Variants in FMNL3 observed in about 807,000 individuals in gnomAD.
FMNL3 encodes the protein formin-like protein 3.
FMNL3 carries 57 observed loss-of-function variants against 119.6 expected under a neutral mutation model. The observed-to-expected ratio is 0.48, with a 90% CI of 0.39 to 0.59. The LOEUF is 0.59. FMNL3 is among the 20% of genes least tolerant of loss of function. The probability of loss-of-function intolerance (pLI) is 0.00; values close to 1 mark genes in which losing one functional copy is unlikely to be tolerated. For missense variants in FMNL3, 1,053 were observed against 1,323.5 expected, an observed-to-expected ratio of 0.80 and a Z score of 3.17; for synonymous variants, 491 against 507.3, an observed-to-expected ratio of 0.97 and a Z score of 0.43.
intron 1 of FMNL3, among the ~76,000 whole-genome samples, chr12:49,704,903 T>C (rs546846696): frequency 3.9e-5 from 6 of 152,152 alleles, no homozygotes; most frequent in Non-Finnish European, 7.4e-5. Flanking sequence ...GCCAGAGTCC[T>C]TGATTTTTCT....
At position 49,645,952 on chromosome 12, in the gene FMNL3, G is replaced by C. The variant is rs1592633818; in HGVS notation, c.2996-49C>G. ...TGAACAGGATGGGAGGGTGAGCCAG[G>C]ACAGTGCCCTCAAGAGCAGCCCCAC... On this transcript the variant is annotated intron_variant, in intron 25 of 25. Coordinates refer to ENST00000335154, the MANE Select transcript of FMNL3 (RefSeq NM_175736.5). 2.6e-6 allele frequency: 4 copies of C among 1,549,578 alleles called. No individual in the cohort carries two copies. In the African/African-American group the frequency reaches 4.1e-5, roughly 16 times the overall value.
rs370918755 is a variant in FMNL3, at chr12:49,665,774, T to C, written c.368+58A>G. 51 of 1,548,066 alleles carry C rather than the reference T, an allele frequency of 3.3e-5. No individual in the cohort carries two copies. The East Asian group carries it at 1.1e-3, about 33-fold the overall frequency. ...CATCCTCAGAGGACACCAGACCCTG[T>C]GTGCCCAGCCAGCAGCCTGGGGCCA... On this transcript the variant is annotated intron_variant, in intron 4 of 25. Coordinates refer to ENST00000335154, the MANE Select transcript of FMNL3 (RefSeq NM_175736.5).
intron 16 of FMNL3, 34 bp downstream of exon 16, chr12:49,651,134 C>T: frequency 6.2e-7 from 1 of 1,602,778 alleles, no homozygotes; most frequent in Non-Finnish European, 8.5e-7. Context: ...CCCTAGCCCT[C>T]AACCTTAGCC....
chr12:49,642,256 C>CGGGAGA lies in FMNL3; in HGVS notation c.*3553_*3558dup, dbSNP rs1565850488. 6.2e-7 allele frequency: 1 copy of CGGGAGA among 1,614,108 alleles called. No individual in the cohort carries two copies. The highest frequency in any genetic ancestry group is 1.1e-5 in the South Asian group (1 of 91,086). ...TCAGCTGCTGGAGAAAGCAGAGGCA[C>CGGGAGA]GGGAGAGGGAGCGGGAGAAGGAGGA... On this transcript the variant is annotated 3_prime_UTR_variant, in exon 26 of 26. Transcript: ENST00000335154. The surrounding 1 kb of genome is among the most constrained non-coding windows in gnomAD (Gnocchi z 5.8).
At position 49,652,047 on chromosome 12, in the gene FMNL3, C is replaced by T; in HGVS notation, c.1489G>A (p.Gly497Ser). ...ARVGPAELSE[G>S]MPPSDLDLLA... is the part of the protein sequence containing the mutation. ...AGGTCCAGGTCGGAGGGTGGCATGC[C>T]CTCACTCAGCTCTGCAGGGCCTACT... Residue 497 changes from glycine (G) to serine (S), a missense_variant, in exon 14 of 26, where the codon GGC becomes AGC. Physicochemically the swap from Gly to Ser is moderately conservative, Grantham distance 56 (BLOSUM62 0). This residue lies in a region of FMNL3 where 445 missense variants were observed against 628.4 expected (regional missense o/e 0.71). Transcript: ENST00000335154. 6.2e-7 allele frequency: 1 copy of T among 1,610,770 alleles called. No individual in the cohort carries two copies. The highest frequency in any genetic ancestry group is 1.1e-5 in the South Asian group (1 of 90,232).
At chr12:49,683,531 A>G (rs540383034) in intron 1 of FMNL3, among the ~76,000 whole-genome samples, 1 of 152,284 alleles carries the variant, frequency 6.6e-6, no homozygotes, top group South Asian at 2.1e-4. Flanking sequence ...ATCAGTCATG[A>G]AAATTTAACT....
At chr12:49,706,854 G>A (rs1262411005) in intron 1 of FMNL3, among the ~76,000 whole-genome samples, 1 of 152,148 alleles carries the variant, frequency 6.6e-6, no homozygotes, top group Non-Finnish European at 1.5e-5. Context: ...CGGTGGAGGC[G>A]TCGGTCCCGA....
At chr12:49,656,946 G>A (rs1943589326) in intron 7 of FMNL3, 47 bp from the exon 8 acceptor site, 1 of 1,566,630 alleles carries the variant, frequency 6.4e-7, no homozygotes, top group Non-Finnish European at 8.8e-7. Flanking sequence ...GTGGGGAAGG[G>A]GGAGCCCAGC....
In FMNL3 at chr12:49,643,761, A is replaced by C; in HGVS notation, c.*2054T>G. 6.2e-7 allele frequency: 1 copy of C among 1,613,968 alleles called. No homozygotes were observed. Among genetic ancestry groups the C allele is most frequent in the African/African-American group, 1.3e-5 (1 of 74,994 alleles). ...AGAGAAGACACAAGTCGGTGAGTGA[A>C]GGAACTTCTACCTAAGCCCCTGCTA... On this transcript the variant is annotated 3_prime_UTR_variant, in exon 26 of 26. Coordinates refer to ENST00000335154, the MANE Select transcript of FMNL3 (RefSeq NM_175736.5).
rs115401863 is a variant in FMNL3, at chr12:49,673,292, C to A, written c.127-4738G>T. On this transcript the variant is annotated intron_variant, in intron 1 of 25. Transcript: ENST00000335154. ...CCTCCGTGGCATCCACAGATCAGCTCATTGAGCAGATGAGCAAAGATGGAA... is the reference window on the plus strand; with the variant it reads ...CCTCCGTGGCATCCACAGATCAGCTAATTGAGCAGATGAGCAAAGATGGAA... Among the ~76,000 whole-genome samples, 502 of 152,352 alleles carry A rather than the reference C, an allele frequency of 3.3e-3. 1 individual carries two copies. Among genetic ancestry groups the A allele is most frequent in the African/African-American group, 0.011 (463 of 41,582 alleles).
At position 49,653,304 on chromosome 12, in the gene FMNL3, T is replaced by A; in HGVS notation, c.1245A>T (p.Leu415=). ...VSHLTEKLLD[L]ENENMMRVAE... ...CCACCCGCATCATGTTTTCATTCTC[T>A]AGGTCCAGAAGCTTCTCTGTGAGCT... Residue 415 remains leucine, a synonymous_variant, in exon 13 of 26, where the codon CTA becomes CTT. Transcript: ENST00000335154. The A allele has an allele frequency of 6.2e-7, 1 of 1,614,124 alleles. No homozygotes were observed. Among genetic ancestry groups the A allele is most frequent in the African/African-American group, 1.3e-5 (1 of 75,042 alleles).
chr12:49,647,478 G>T lies in FMNL3; in HGVS notation c.2779-110C>A. On this transcript the variant is annotated intron_variant, in intron 23 of 25. Coordinates refer to ENST00000335154, the MANE Select transcript of FMNL3 (RefSeq NM_175736.5). This position sits in a 1 kb window ranked among gnomAD's most constrained non-coding sequence, Gnocchi z 4.9. Reference sequence around the variant, plus strand: ...GCAGTGGGACCCGCTAACTCCAGGTGGCCACCCTCTGGAGGGGCACTTCCT... The same window carrying T: ...GCAGTGGGACCCGCTAACTCCAGGTTGCCACCCTCTGGAGGGGCACTTCCT... The T allele has an allele frequency of 7.9e-7, 1 of 1,257,970 alleles. No individual in the cohort carries two copies. Among genetic ancestry groups the T allele is most frequent in the East Asian group, 2.3e-5 (1 of 43,078 alleles). 77.9% of individuals were successfully genotyped at this position (1,257,970 alleles called of 1,614,324 possible).
chr12:49,658,704 A>C, intron 5 of FMNL3, 110 bp from the exon 6 acceptor site: 1 of 1,283,100 alleles, frequency 7.8e-7, no homozygotes. Flanking sequence ...CTAGGGCAAC[A>C]AGCAGCAGGG....
chr12:49,698,219 T>C (rs1473131862), intron 1 of FMNL3, among the ~76,000 whole-genome samples: 1 of 152,008 alleles, frequency 6.6e-6, no homozygotes, highest in Non-Finnish European at 1.5e-5. Context: ...TTGGTGTGTA[T>C]AAGGGACCCA....
intron 1 of FMNL3, among the ~76,000 whole-genome samples, chr12:49,675,608 A>G (rs549032455): frequency 8.5e-5 from 13 of 152,132 alleles, no homozygotes; most frequent in Non-Finnish European, 1.8e-4. Context: ...TTGCCCTTCC[A>G]TTCCCACTGT....
chr12:49,701,091 A>G (rs1368105778), intron 1 of FMNL3, among the ~76,000 whole-genome samples: 1 of 151,846 alleles, frequency 6.6e-6, no homozygotes, highest in East Asian at 1.9e-4. Flanking sequence ...AAAAAAAAAA[A>G]AAAAGAAATA....
In FMNL3 at chr12:49,649,455, A is replaced by ACAACCTCTTCC; in HGVS notation, c.2304+4_2304+14dup. ...CTGAAAACCCCCAGCACCCCTGTTCACAACCTCTTCCCACCTCCAACATCT... is the reference window on the plus strand; with the variant it reads ...CTGAAAACCCCCAGCACCCCTGTTCACAACCTCTTCCCAACCTCTTCCCACCTCCAACATCT... On this transcript the variant is annotated intron_variant, in intron 19 of 25. Transcript: ENST00000335154. The surrounding 1 kb of genome is among the most constrained non-coding windows in gnomAD (Gnocchi z 5.6). 1 of 1,614,052 alleles carries ACAACCTCTTCC rather than the reference A, an allele frequency of 6.2e-7. No homozygotes were observed. The highest frequency in any genetic ancestry group is 8.5e-7 in the Non-Finnish European group (1 of 1,180,030).
In FMNL3 at chr12:49,643,143, C is replaced by T; in HGVS notation, c.*2672G>A. On this transcript the variant is annotated 3_prime_UTR_variant, in exon 26 of 26. Transcript: ENST00000335154. ...AGGATTCCTTTGGCCCTGGGTCCTC[C>T]TCCTCTCTCGAATTCCCAGACGAGG... 1.3e-6 allele frequency: 2 copies of T among 1,592,004 alleles called. No individual in the cohort carries two copies. Among genetic ancestry groups the T allele is most frequent in the African/African-American group, 1.3e-5 (1 of 74,454 alleles).
chr12:49,637,027 G>C lies in FMNL3; in HGVS notation c.*8788C>G, dbSNP rs899343571. On this transcript the variant is annotated 3_prime_UTR_variant, in exon 26 of 26. Transcript: ENST00000335154. ...TTTCTGCTGTACCTCCTCAATTCTG[G>C]ACTGTGCTCTTCTAGGGAGACTAGA... is the stretch of plus-strand genomic sequence containing the variant. 46 of 944,194 alleles carry C rather than the reference G, an allele frequency of 4.9e-5. No homozygotes were observed. The East Asian group carries it at 1.2e-3, about 25-fold the overall frequency. The allele number at this position is 944,194 out of a possible 1,614,324, so 58.5% of individuals were successfully genotyped here.
Sources: allele counts gnomAD v4.1 joint callset (sites outside exome capture counted in the v4.1 genomes callset), GRCh38; gene constraint gnomAD v4.1.1; regional missense constraint gnomAD v4.1.1; non-coding constraint Gnocchi (gnomAD v3.1); transcripts MANE v1.5; gene names NCBI Gene and HGNC (gene_info 2026-07-23, HGNC 2026-07-21).